The following SYNE1 variants were observed in gnomAD, a reference collection of about 807,000 sequenced individuals.
SYNE1 encodes the protein nesprin-1.
In SYNE1, 616 loss-of-function variants were observed where a neutral mutation model predicts 1,111.0. That is an observed-to-expected ratio of 0.55 (90% CI 0.52 to 0.59). The LOEUF is 0.59. Ranked by LOEUF, SYNE1 falls within the 20% of genes least tolerant of loss-of-function variation. SYNE1 has a pLI of 0.00. For missense variants in SYNE1, 10,006 were observed against 10,417.0 expected, an observed-to-expected ratio of 0.96 and a Z score of 1.72; for synonymous variants, 3,855 against 3,825.8, an observed-to-expected ratio of 1.01 and a Z score of -0.28.
intron 3 of SYNE1, among the ~76,000 whole-genome samples, chr6:152,543,092 T>G (rs902821739): frequency 6.6e-6 from 1 of 152,120 alleles, no homozygotes; most frequent in Non-Finnish European, 1.5e-5. Context: ...TATTATAACC[T>G]TTAATGAAAT....
intron 58 of SYNE1, among the ~76,000 whole-genome samples, chr6:152,375,045 A>G (rs1045921210): frequency 4.0e-5 from 6 of 151,668 alleles, no homozygotes; most frequent in Non-Finnish European, 8.8e-5. Context: ...GGTTCAGGCA[A>G]TTCTCCTGTC....
At position 152,407,196 on chromosome 6, in the gene SYNE1, C is replaced by A; in HGVS notation, c.6541G>T (p.Val2181Leu). The change falls in exon 45 of 146, where the codon GTA (valine) becomes TTA (leucine). Residue 2181 changes from valine to leucine, a missense_variant and splice_region_variant. Val to Leu is a conservative substitution (Grantham distance 32, BLOSUM62 1). Transcript: ENST00000367255. ...MESTVDKWLD[V>L]SEKLEENMDR... ...ATGTTTTCTTCAAGTTTCTCTGATA[C>A]CTAGGAGAGAAACAGAAGCCATGGC... The A allele has an allele frequency of 6.2e-7, 1 of 1,613,608 alleles. No homozygotes were observed.
rs1162734797 is a variant in SYNE1, at chr6:152,139,274, GA to G, written c.25458+675del. ...CAATATGGTCCCCTTTTCTGCCCTTGAAAACCATCTTTGTGGCCGGGCACGG... is the reference window on the plus strand; with the variant it reads ...CAATATGGTCCCCTTTTCTGCCCTTGAAACCATCTTTGTGGCCGGGCACGG... On this transcript the variant is annotated intron_variant, in intron 140 of 145. Transcript: ENST00000367255. Among the ~76,000 whole-genome samples, 3 of 152,020 alleles carry G rather than the reference GA, an allele frequency of 2.0e-5. No homozygotes were observed. The East Asian group carries it at 5.8e-4, about 29-fold the overall frequency.
intron 74 of SYNE1, among the ~76,000 whole-genome samples, chr6:152,340,912 A>T (rs1049457368): frequency 6.6e-6 from 1 of 152,204 alleles, no homozygotes; most frequent in African/African-American, 2.4e-5. Context: ...TGGCTGAGGT[A>T]GTAAGAAGTG....
intron 134 of SYNE1, 38 bp from the exon 135 acceptor site, chr6:152,151,728 T>C (rs1168035910): frequency 6.2e-7 from 1 of 1,600,550 alleles, no homozygotes; most frequent in Non-Finnish European, 8.5e-7. Context: ...ATTATTTTTA[T>C]TAAAAGTCCT....
intron 77 of SYNE1, 74 bp downstream of exon 77, chr6:152,333,934 C>T (rs1286067820): frequency 1.2e-6 from 2 of 1,602,066 alleles, no homozygotes; most frequent in Non-Finnish European, 1.7e-6. Context: ...CACCTGGGCA[C>T]ATTTTAAATT....
chr6:152,520,376 GAC>G (rs2099132902), intron 6 of SYNE1, 81 bp downstream of exon 6: 80 of 1,305,980 alleles, frequency 6.1e-5, no homozygotes, highest in Non-Finnish European at 8.2e-5. Context: ...CCTCCTATCT[GAC>G]TACAGATAGG....
chr6:152,334,256 T>C lies in SYNE1; in HGVS notation c.12546A>G (p.Leu4182=), dbSNP rs771756389. The C allele has an allele frequency of 1.3e-5, 21 of 1,613,870 alleles. No individual in the cohort carries two copies. The highest frequency in any genetic ancestry group is 1.7e-5 in the Non-Finnish European group (20 of 1,180,026). ...TGTTCACGGATGCCTGTTTGCTCTG[T>C]AGTTTCTTAACAAAATCCTAAAGGA... ...VSQVKDFVKK[L]QSKQASVNTI... The change falls in exon 77 of 146, where the codon CTA becomes CTG. Residue 4182 remains leucine (L), a synonymous_variant. Transcript: ENST00000367255.
rs1415636574 is a variant in SYNE1 at position 152,236,938 on chromosome 6, T to G, written c.20078A>C (p.His6693Pro). ...GAGCTCCTGCTGGTCCTCATCCAGA[T>G]GGGACCACGTCTAGAAACACAACAT... ...ELEYILETWS[H>P]LDEDQQELSR... is the part of the protein sequence containing the mutation. The change falls in exon 109 of 146, where the codon CAT becomes CCT. Residue 6693 changes from histidine to proline, a missense_variant. His to Pro is a moderately conservative substitution (Grantham distance 77). Coordinates refer to ENST00000367255, the MANE Select transcript of SYNE1 (RefSeq NM_182961.4). The G allele has an allele frequency of 6.2e-7, 1 of 1,614,042 alleles. No individual in the cohort carries two copies. The highest frequency in any genetic ancestry group is 2.2e-5 in the East Asian group (1 of 44,868).
At chr6:152,251,422 T>C (rs2089204652) in intron 104 of SYNE1, among the ~76,000 whole-genome samples, 1 of 152,092 alleles carries the variant, frequency 6.6e-6, no homozygotes, top group African/African-American at 2.4e-5. Flanking sequence ...ATAAAAACTT[T>C]AAGAGGTGCT....
chr6:152,143,837 A>T, intron 137 of SYNE1, 72 bp from the exon 138 acceptor site: 1 of 1,605,960 alleles, frequency 6.2e-7, no homozygotes, highest in Non-Finnish European at 8.5e-7. Context: ...ATTCAAGGAG[A>T]AGTTTCAGAA....
At chr6:152,615,339 T>C (rs564719917) in intron 3 of SYNE1, among the ~76,000 whole-genome samples, 2 of 152,260 alleles carry the variant, frequency 1.3e-5, no homozygotes, top group South Asian at 2.1e-4. Flanking sequence ...CAAATATTTA[T>C]AAATATTTAA....
chr6:152,376,673 T>C, intron 57 of SYNE1, 103 bp downstream of exon 57: 3 of 1,562,702 alleles, frequency 1.9e-6, no homozygotes, highest in East Asian at 2.3e-5. Flanking sequence ...TAGTAATATA[T>C]TTAATGCTGA....
In SYNE1 at chr6:152,148,194, G is replaced by A; in HGVS notation, c.24827C>T (p.Ala8276Val). 1 of 1,614,200 alleles carries A rather than the reference G, an allele frequency of 6.2e-7. No homozygotes were observed. The highest frequency in any genetic ancestry group is 8.5e-7 in the Non-Finnish European group (1 of 1,180,032). The stretch of plus-strand genomic sequence containing the variant: ...CTCCAGGGGGATGGAGTCCACACTA[G>A]CCGGGGTGTCTCGTCCTGACCGCTC... ...RSERSGRDTP[A>V]SVDSIPLEWD... Residue 8276 changes from alanine (A) to valine (V), a missense_variant, in exon 137 of 146, where the codon GCT becomes GTT. By Grantham distance (64) the Ala-to-Val change is moderately conservative. This residue lies in a region of SYNE1 where 761 missense variants were observed against 795.5 expected (regional missense o/e 0.96). Coordinates refer to ENST00000367255, the MANE Select transcript of SYNE1 (RefSeq NM_182961.4). The surrounding 1 kb of genome is among the most constrained non-coding windows in gnomAD (Gnocchi z 4.1).
At chr6:152,346,801 C>A (rs1361321987) in intron 73 of SYNE1, among the ~76,000 whole-genome samples, 1 of 152,062 alleles carries the variant, frequency 6.6e-6, no homozygotes, top group Non-Finnish European at 1.5e-5. Flanking sequence ...CAGAGTGAGA[C>A]TCCGTCTCAA....
intron 42 of SYNE1, among the ~76,000 whole-genome samples, chr6:152,411,244 G>T (rs1051508869): frequency 6.6e-6 from 1 of 151,994 alleles, no homozygotes. Flanking sequence ...TCTATTTCTG[G>T]ACTGTGTTCC....
intron 41 of SYNE1, among the ~76,000 whole-genome samples, chr6:152,414,997 C>T (rs894848220): frequency 2.0e-5 from 3 of 152,096 alleles, no homozygotes; most frequent in Non-Finnish European, 4.4e-5. Context: ...CTGACTAAAT[C>T]CTCGACATAA....
chr6:152,307,978 G>A (rs941803915), intron 91 of SYNE1, among the ~76,000 whole-genome samples: 14 of 151,914 alleles, frequency 9.2e-5, no homozygotes, highest in Non-Finnish European at 1.2e-4. Context: ...GATTACAGGC[G>A]CATGCCACCA....
intron 41 of SYNE1, 115 bp downstream of exon 41, chr6:152,416,272 G>A: frequency 1.4e-6 from 2 of 1,418,744 alleles, no homozygotes; most frequent in Non-Finnish European, 2.0e-6. Context: ...AGAGTGAATT[G>A]GGGTCCTGAG....
Sources: allele counts gnomAD v4.1 joint callset (sites outside exome capture counted in the v4.1 genomes callset), GRCh38; gene constraint gnomAD v4.1.1; regional missense constraint gnomAD v4.1.1; non-coding constraint Gnocchi (gnomAD v3.1); transcripts MANE v1.5; gene names NCBI Gene and HGNC (gene_info 2026-07-23, HGNC 2026-07-21).